Variants in UTS2B observed in about 807,000 individuals in gnomAD.
UTS2B encodes urotensin 2B, also known as urotensin-2B.
UTS2B carries 21 observed loss-of-function variants against 19.2 expected under a neutral mutation model. That is an observed-to-expected ratio of 1.09 (90% CI 0.78 to 1.58). The LOEUF is 1.58. UTS2B is among the 40% of genes most tolerant of loss of function. UTS2B has a pLI of 0.00. For synonymous variants in UTS2B, 57 were observed against 50.2 expected (o/e 1.14, Z -0.58); for missense variants, 138 against 130.3 (o/e 1.06, Z -0.29).
chr3:191,304,107 G>A (rs1218057688), intron 4 of UTS2B, among the ~76,000 whole-genome samples: 2 of 152,002 alleles, frequency 1.3e-5, no homozygotes, highest in African/African-American at 2.4e-5. Context: ...ACAGGCATGC[G>A]CCACCATACC....
At chr3:191,316,751 G>C (rs931319819) in intron 2 of UTS2B, among the ~76,000 whole-genome samples, 1 of 152,172 alleles carries the variant, frequency 6.6e-6, no homozygotes, top group East Asian at 1.9e-4. Context: ...AGCACTGATC[G>C]GTGCTTTTAC....
At chr3:191,273,106 T>G (rs1039361240) in intron 8 of UTS2B, among the ~76,000 whole-genome samples, 1 of 152,142 alleles carries the variant, frequency 6.6e-6, no homozygotes, top group African/African-American at 2.4e-5. Flanking sequence ...AGGCAGAGGT[T>G]GCAGTGAGCC....
In UTS2B at chr3:191,282,206, T is replaced by C. The variant is rs772344391; in HGVS notation, c.-17A>G. On this transcript the variant is annotated 5_prime_UTR_variant, in exon 5 of 9. Transcript: ENST00000340524. ...CTTGTTCATGTTAAAAAAAACCTTC[T>C]GGACTAGCAAAGAAACAGACTTTCC... 2.9e-5 allele frequency: 45 copies of C among 1,578,822 alleles called. No individual in the cohort carries two copies. Among genetic ancestry groups the C allele is most frequent in the Non-Finnish European group, 3.7e-5 (43 of 1,154,140 alleles).
At chr3:191,307,837 C>CTTT (rs34254108) in intron 3 of UTS2B, among the ~76,000 whole-genome samples, 79 of 138,432 alleles carry the variant, frequency 5.7e-4, no homozygotes, top group African/African-American at 2.0e-3. Flanking sequence ...GTTTTCTTCT[C>CTTT]TTTTTTTTTT....
intron 5 of UTS2B, among the ~76,000 whole-genome samples, chr3:191,280,186 A>G (rs1202964006): frequency 2.0e-5 from 3 of 152,170 alleles, no homozygotes; most frequent in African/African-American, 7.2e-5. Flanking sequence ...TTTACCAGAA[A>G]GAAATCTGGA....
chr3:191,338,355 T>C, the UTS2B span, among the ~76,000 whole-genome samples: 1 of 152,170 alleles, frequency 6.6e-6, no homozygotes, highest in Non-Finnish European at 1.5e-5. Flanking sequence ...AAAGACTCTT[T>C]TTGTCTAGAT....
intron 4 of UTS2B, among the ~76,000 whole-genome samples, chr3:191,285,487 C>A (rs1716511098): frequency 6.6e-6 from 1 of 152,152 alleles, no homozygotes; most frequent in Non-Finnish European, 1.5e-5. Context: ...TAATTTTTTA[C>A]CTATAATTAC....
chr3:191,294,330 G>A (rs1304990173), intron 4 of UTS2B, among the ~76,000 whole-genome samples: 1 of 151,770 alleles, frequency 6.6e-6, no homozygotes, highest in Non-Finnish European at 1.5e-5. Context: ...GCAAAAACTG[G>A]ATTCAAACTC....
chr3:191,280,414 T>G (rs188397078), intron 5 of UTS2B, among the ~76,000 whole-genome samples: 1 of 152,124 alleles, frequency 6.6e-6, no homozygotes, highest in Non-Finnish European at 1.5e-5. Context: ...ACCCCAACTT[T>G]GTAGTCTGTG....
chr3:191,323,641 A>G (rs1717668341), intron 2 of UTS2B, among the ~76,000 whole-genome samples: 1 of 152,184 alleles, frequency 6.6e-6, no homozygotes, highest in Non-Finnish European at 1.5e-5. Context: ...GCATCTTGCT[A>G]TGGAAGTAGA....
In UTS2B at chr3:191,285,480, T is replaced by A. The variant is rs544400928; in HGVS notation, c.-124-3167A>T. 3.2e-4 allele frequency among the ~76,000 whole-genome samples: 48 copies of A among 152,318 alleles called. No homozygotes were observed. The South Asian group carries it at 9.1e-3, about 29-fold the overall frequency. ...ACAATTAACAAAATGGCACTAGTAATTTTTTACCTATAATTACCTTGAGTA... is the reference window on the plus strand; with the variant it reads ...ACAATTAACAAAATGGCACTAGTAAATTTTTACCTATAATTACCTTGAGTA... On this transcript the variant is annotated intron_variant, in intron 4 of 8. Transcript: ENST00000340524.
intron 4 of UTS2B, chr3:191,282,518 G>A (rs756690837): frequency 5.8e-5 from 11 of 189,890 alleles, no homozygotes; most frequent in Non-Finnish European, 9.7e-5. Context: ...AGATGCACAA[G>A]CATGAAGCAA....
the UTS2B span, among the ~76,000 whole-genome samples, chr3:191,341,041 A>G: frequency 6.6e-6 from 1 of 151,050 alleles, no homozygotes; most frequent in Non-Finnish European, 1.5e-5. Context: ...GCCCAGGCTG[A>G]TCTTGAACTC....
At chr3:191,272,817 C>T (rs1331097887) in intron 8 of UTS2B, among the ~76,000 whole-genome samples, 7 of 146,584 alleles carry the variant, frequency 4.8e-5, no homozygotes, top group Middle Eastern at 3.7e-3. Context: ...GCCGAGGTAG[C>T]GTGCCATTGC....
intron 5 of UTS2B, 114 bp from the exon 6 acceptor site, chr3:191,278,284 G>A (rs949425547): frequency 5.2e-6 from 3 of 576,532 alleles, no homozygotes; most frequent in Non-Finnish European, 6.0e-6. Context: ...GAAATGTAGA[G>A]AGAGTGTATA....
chr3:191,288,878 T>C (rs1716628934), intron 4 of UTS2B, among the ~76,000 whole-genome samples: 1 of 152,018 alleles, frequency 6.6e-6, no homozygotes, highest in African/African-American at 2.4e-5. Context: ...ATTTGAGCAA[T>C]GATTTTTTGA....
At chr3:191,302,562 G>A (rs1185787223) in intron 4 of UTS2B, among the ~76,000 whole-genome samples, 2 of 152,158 alleles carry the variant, frequency 1.3e-5, no homozygotes, top group African/African-American at 4.8e-5. Flanking sequence ...TCAATTCTAG[G>A]TTTCAACCTG....
chr3:191,318,249 A>G (rs951789473), intron 2 of UTS2B, among the ~76,000 whole-genome samples: 1 of 152,160 alleles, frequency 6.6e-6, no homozygotes, highest in Non-Finnish European at 1.5e-5. Flanking sequence ...GTATAGTTTC[A>G]CCAGACTTCT....
intron 8 of UTS2B, chr3:191,273,460 C>T (rs1331228752): frequency 2.2e-6 from 1 of 456,494 alleles, no homozygotes; most frequent in Non-Finnish European, 4.4e-6. Flanking sequence ...TGATGTGTGT[C>T]CCTTCCGAAC....
Sources: allele counts gnomAD v4.1 joint callset (sites outside exome capture counted in the v4.1 genomes callset), GRCh38; gene constraint gnomAD v4.1.1; transcripts MANE v1.5; gene names NCBI Gene and HGNC (gene_info 2026-07-23, HGNC 2026-07-21).